CACNA1D: variants seen among roughly 807,000 people sequenced by gnomAD.
CACNA1D encodes the protein voltage-dependent L-type calcium channel subunit alpha-1D.
In CACNA1D, 55 loss-of-function variants were observed where a neutral mutation model predicts 257.1. The observed-to-expected ratio is 0.21, with a 90% CI of 0.17 to 0.27. CACNA1D has a LOEUF of 0.27. Among genes scored for constraint, CACNA1D ranks in the 10% least tolerant of loss-of-function variants. The probability of loss-of-function intolerance (pLI) is 1.00; values close to 1 mark genes in which losing one functional copy is unlikely to be tolerated. For missense variants in CACNA1D, 1,876 were observed against 2,784.0 expected (o/e 0.67, Z 7.34); for synonymous variants, 980 against 1,014.9 (o/e 0.97, Z 0.65).
chr3:53,718,578 C>A (rs2094846025), intron 10 of CACNA1D, 190 bp downstream of exon 10: 3 of 669,792 alleles, frequency 4.5e-6, no homozygotes, highest in Non-Finnish European at 8.1e-6. Flanking sequence ...CCTCCCCACC[C>A]CCCGCCCCCC....
At chr3:53,735,645 C>A in intron 20 of CACNA1D, 142 bp downstream of exon 20, 2 of 875,484 alleles carry the variant, frequency 2.3e-6, no homozygotes, top group African/African-American at 1.7e-5. Flanking sequence ...TGGCTGTTTC[C>A]GGTTTGTAAG....
At chr3:53,556,824 T>A (rs1263705217) in intron 3 of CACNA1D, among the ~76,000 whole-genome samples, 1 of 152,116 alleles carries the variant, frequency 6.6e-6, no homozygotes, top group Non-Finnish European at 1.5e-5. Flanking sequence ...CAAGTGATTC[T>A]CCTGCCTCAG....
At chr3:53,651,366 C>T (rs201467653) in intron 4 of CACNA1D, among the ~76,000 whole-genome samples, 1,231 of 81,242 alleles carry the variant, frequency 0.015, no homozygotes, top group Middle Eastern at 0.026. Context: ...TATTAATTTT[C>T]TTTTTTTTTT....
At chr3:53,660,682 C>T (rs2108329846) in intron 5 of CACNA1D, among the ~76,000 whole-genome samples, 1 of 147,304 alleles carries the variant, frequency 6.8e-6, no homozygotes, top group South Asian at 2.2e-4. Flanking sequence ...AGCTGCGTGC[C>T]TTTTTTTTTT....
chr3:53,641,393 A>G (rs571817898), intron 3 of CACNA1D, among the ~76,000 whole-genome samples: 17 of 152,174 alleles, frequency 1.1e-4, no homozygotes, highest in African/African-American at 3.9e-4. Flanking sequence ...TGAAATGTTT[A>G]TATATTATCT....
intron 3 of CACNA1D, among the ~76,000 whole-genome samples, chr3:53,592,563 T>C (rs1019549579): frequency 5.3e-5 from 8 of 152,308 alleles, no homozygotes; most frequent in African/African-American, 1.4e-4. Context: ...TAAGGAAATA[T>C]TAACTCATTC....
chr3:53,747,879 C>T lies in CACNA1D; in HGVS notation c.3314+431C>T, dbSNP rs114343825. Among the ~76,000 whole-genome samples the T allele has an allele frequency of 6.2e-3, 951 of 152,336 alleles. 9 individuals are homozygous for T. Among genetic ancestry groups the T allele is most frequent in the African/African-American group, 0.022 (903 of 41,560 alleles). ...CCATCTCTTTTACTGAGCACCTGCT[C>T]GCTCATTTACAGACCATGCTGTGCA... On this transcript the variant is annotated intron_variant, in intron 26 of 47. Transcript: ENST00000350061.
chr3:53,778,250 AAC>A (rs1321931811), intron 37 of CACNA1D, among the ~76,000 whole-genome samples: 4 of 152,094 alleles, frequency 2.6e-5, no homozygotes, highest in African/African-American at 9.7e-5. Flanking sequence ...GCTTTCCAAG[AAC>A]AGTGTGGGAT....
intron 8 of CACNA1D, chr3:53,679,449 G>A (rs562102033): frequency 6.6e-6 from 1 of 152,124 alleles, no homozygotes; most frequent in Non-Finnish European, 1.5e-5. Context: ...GGTTGTTATT[G>A]GGGTCCTGGG....
intron 3 of CACNA1D, among the ~76,000 whole-genome samples, chr3:53,581,783 T>C (rs1376020122): frequency 1.3e-5 from 2 of 152,150 alleles, no homozygotes; most frequent in African/African-American, 4.8e-5. Flanking sequence ...ACGTCTACTC[T>C]CTACTAATAA....
intron 3 of CACNA1D, among the ~76,000 whole-genome samples, chr3:53,515,645 C>T (rs1300552794): frequency 3.3e-5 from 5 of 152,168 alleles, no homozygotes; most frequent in Admixed American, 3.3e-4. Context: ...GCAGGTCACT[C>T]GGGTAAGAGA....
intron 8 of CACNA1D, among the ~76,000 whole-genome samples, chr3:53,691,031 T>C (rs1314235710): frequency 1.3e-5 from 2 of 152,254 alleles, no homozygotes; most frequent in Admixed American, 6.5e-5. Flanking sequence ...AGTAGCAGTA[T>C]TTGAAACCTG....
chr3:53,520,883 TTTCTTTC>T (rs756547827), intron 3 of CACNA1D, among the ~76,000 whole-genome samples: 2 of 74,704 alleles, frequency 2.7e-5, no homozygotes, highest in African/African-American at 8.8e-5. Flanking sequence ...TCTTTCTTTC[TTTCTTTC>T]TTTCTTTTCT....
At chr3:53,702,900 CTG>C (rs1559539980) in intron 9 of CACNA1D, 90 bp downstream of exon 9, 1 of 1,420,348 alleles carries the variant, frequency 7.0e-7, no homozygotes, top group Non-Finnish European at 9.8e-7. Context: ...CTGACCCAGG[CTG>C]TGAGTGGGAC....
chr3:53,714,043 C>T (rs1286656989), intron 9 of CACNA1D, among the ~76,000 whole-genome samples: 1 of 152,220 alleles, frequency 6.6e-6, no homozygotes, highest in Non-Finnish European at 1.5e-5. Flanking sequence ...TGCCAGCATC[C>T]TCTCACAGGT....
chr3:53,557,116 C>T (rs968123873), intron 3 of CACNA1D, among the ~76,000 whole-genome samples: 3 of 152,128 alleles, frequency 2.0e-5, no homozygotes, highest in Non-Finnish European at 2.9e-5. Flanking sequence ...CTTTTGATGT[C>T]GTATCTAAGA....
At chr3:53,712,368 CT>C (rs1356613238) in intron 9 of CACNA1D, among the ~76,000 whole-genome samples, 1 of 152,270 alleles carries the variant, frequency 6.6e-6, no homozygotes, top group African/African-American at 2.4e-5. Flanking sequence ...TGGGCTGCCC[CT>C]GTCCCTGAAC....
chr3:53,802,220 T>C, intron 43 of CACNA1D, 47 bp downstream of exon 43: 6 of 1,449,614 alleles, frequency 4.1e-6, no homozygotes, highest in Non-Finnish European at 5.8e-6. Context: ...TGATGGTATG[T>C]TACCAGCTGG....
At chr3:53,712,536 A>C (rs1039894012) in intron 9 of CACNA1D, among the ~76,000 whole-genome samples, 2 of 152,186 alleles carry the variant, frequency 1.3e-5, no homozygotes, top group African/African-American at 4.8e-5. Flanking sequence ...TAGCATGTGC[A>C]TGTGCCTTTA....
Sources: gnomAD v4.1 joint callset for allele counts (sites outside exome capture counted in the v4.1 genomes callset) on GRCh38, gnomAD v4.1.1 for gene constraint, MANE v1.5 for transcripts, NCBI Gene and HGNC (gene_info 2026-07-23, HGNC 2026-07-21) for gene names.